LRP4: variants seen among roughly 807,000 people sequenced by gnomAD.
The protein encoded by LRP4 is LDL receptor related protein 4.
A neutral mutation model predicts 220.3 loss-of-function variants in LRP4; 95 were observed. That is an observed-to-expected ratio of 0.43 (90% CI 0.37 to 0.51). The LOEUF (loss-of-function observed/expected upper bound fraction) is 0.51. Among genes scored for constraint, LRP4 ranks in the 20% least tolerant of loss-of-function variants. The probability of loss-of-function intolerance (pLI) is 0.00; values close to 1 mark genes in which losing one functional copy is unlikely to be tolerated. For missense variants in LRP4, 1,925 were observed against 2,567.0 expected, an observed-to-expected ratio of 0.75 and a Z score of 5.40; for synonymous variants, 903 against 954.6, an observed-to-expected ratio of 0.95 and a Z score of 1.00.
chr11:46,875,942 C>T lies in LRP4; in HGVS notation c.3561G>A (p.Gly1187=), dbSNP rs761861416. The T allele has an allele frequency of 7.4e-6, 12 of 1,614,000 alleles. No individual in the cohort carries two copies. The highest frequency in any genetic ancestry group is 8.5e-6 in the Non-Finnish European group (10 of 1,180,024). The change falls in exon 26 of 38, where the codon GGG becomes GGA. Residue 1187 remains glycine, a synonymous_variant. Transcript: ENST00000378623. The surrounding 1 kb of genome is among the most constrained non-coding windows in gnomAD (Gnocchi z 4.5). ...EMGFMYWTDW[G]ENAKLERSGM... is the part of the protein sequence containing the mutation. ...CGGACCGCTCTAACTTGGCATTCTC[C>T]CCCCAGTCTGTCCAGTACATAAACC...
intron 18 of LRP4, 136 bp from the exon 19 acceptor site, chr11:46,884,112 CA>C: frequency 2.8e-6 from 2 of 707,394 alleles, no homozygotes; most frequent in Non-Finnish European, 5.1e-6. Context: ...GACAGATGCA[CA>C]ACGGAAATTT....
At chr11:46,905,156 A>G (rs906568097) in intron 1 of LRP4, among the ~76,000 whole-genome samples, 38 of 152,038 alleles carry the variant, frequency 2.5e-4, no homozygotes, top group Non-Finnish European at 5.1e-4. Flanking sequence ...AGGAAGCACT[A>G]AAAGACCCAG....
At position 46,862,520 on chromosome 11, in the gene LRP4, C is replaced by T. The variant is rs142507948; in HGVS notation, c.5385+86G>A. On this transcript the variant is annotated intron_variant, in intron 37 of 37. Coordinates refer to ENST00000378623, the MANE Select transcript of LRP4 (RefSeq NM_002334.4). ...ATGGTAGATGGGATTACTCAGCAGC[C>T]GTTACTGACTTATTTGGGCATTTGG... 2.4e-5 allele frequency: 31 copies of T among 1,315,054 alleles called. No homozygotes were observed. In the Admixed American group the frequency reaches 2.5e-4, roughly 11 times the overall value. The allele number at this position is 1,315,054 out of a possible 1,614,324, so 81.5% of individuals were successfully genotyped here. A position where few individuals can be genotyped will look rare whatever the true frequency, so the allele number is the denominator to read the frequency against.
At chr11:46,880,949 G>A (rs966252232) in intron 20 of LRP4, among the ~76,000 whole-genome samples, 1 of 150,566 alleles carries the variant, frequency 6.6e-6, no homozygotes, top group Non-Finnish European at 1.5e-5. Flanking sequence ...TGGCTCATGC[G>A]TGTAGTCTCA....
chr11:46,865,381 C>T (rs910804153), intron 34 of LRP4, among the ~76,000 whole-genome samples, 195 bp from the exon 35 acceptor site: 4 of 152,114 alleles, frequency 2.6e-5, no homozygotes, highest in Non-Finnish European at 5.9e-5. Flanking sequence ...GTTTTCAAGC[C>T]GTTATACCAT....
intron 18 of LRP4, among the ~76,000 whole-genome samples, chr11:46,884,635 G>A (rs1320455047): frequency 1.1e-4 from 16 of 151,812 alleles, no homozygotes. Context: ...TACTTGGGAG[G>A]CTGAGGCAGG....
intron 19 of LRP4, among the ~76,000 whole-genome samples, chr11:46,882,920 A>T (rs4752949): frequency 0.95 from 143,777 of 151,900 alleles, 68,558 homozygotes; most frequent in East Asian, 1. Context: ...AAAGACACAC[A>T]AGATATAAGG....
At chr11:46,895,761 G>C in intron 10 of LRP4, 123 bp downstream of exon 10, 6 of 1,363,428 alleles carry the variant, frequency 4.4e-6, no homozygotes, top group Non-Finnish European at 6.2e-6. Flanking sequence ...CCACCTCCTA[G>C]GGTTATTGTG....
Position 46,873,063 on chromosome 11 carries a change from C to T in LRP4, c.4583+37G>A. Reference sequence around the variant, plus strand: ...CTCAACCATTCTCTCTTCTGCCCACCCGATTTCCAGGAGGCTGTTTGATGC... The same window carrying T: ...CTCAACCATTCTCTCTTCTGCCCACTCGATTTCCAGGAGGCTGTTTGATGC... On this transcript the variant is annotated intron_variant, in intron 30 of 37. Transcript: ENST00000378623. The surrounding 1 kb of genome is among the most constrained non-coding windows in gnomAD (Gnocchi z 4.2). The T allele has an allele frequency of 6.2e-7, 1 of 1,614,088 alleles. No homozygotes were observed. Among genetic ancestry groups the T allele is most frequent in the Non-Finnish European group, 8.5e-7 (1 of 1,180,000 alleles).
intron 31 of LRP4, among the ~76,000 whole-genome samples, chr11:46,869,978 C>T (rs961473718): frequency 9.9e-5 from 15 of 152,100 alleles, no homozygotes; most frequent in Middle Eastern, 3.4e-3. Flanking sequence ...TGGTGGCACG[C>T]ACCTGTAATC....
chr11:46,861,487 A>G (rs965141650), intron 37 of LRP4, among the ~76,000 whole-genome samples: 3 of 149,072 alleles, frequency 2.0e-5, no homozygotes, highest in Non-Finnish European at 4.5e-5. Context: ...AAAATCTGAA[A>G]TACCAGGTAT....
At chr11:46,902,971 C>G (rs372404960) in intron 1 of LRP4, 42 bp from the exon 2 acceptor site, 1 of 1,613,096 alleles carries the variant, frequency 6.2e-7, no homozygotes, top group Non-Finnish European at 8.5e-7. Context: ...TCAGCTCCCA[C>G]TCAACCCAAG....
chr11:46,858,805 C>A lies in LRP4; in HGVS notation c.*178G>T. ...TCGTGATGTGCCATCATTTCTTGTG[C>A]ACAGGTAGTTATGGACTCACGTGGT... On this transcript the variant is annotated 3_prime_UTR_variant, in exon 38 of 38. Coordinates refer to ENST00000378623, the MANE Select transcript of LRP4 (RefSeq NM_002334.4). The A allele has an allele frequency of 1.5e-6, 1 of 671,202 alleles. No homozygotes were observed. Among genetic ancestry groups the A allele is most frequent in the Non-Finnish European group, 2.7e-6 (1 of 370,380 alleles). 41.6% of individuals were successfully genotyped at this position (671,202 alleles called of 1,614,324 possible). A position where few individuals can be genotyped will look rare whatever the true frequency, so the allele number is the denominator to read the frequency against.
At chr11:46,887,837 A>AAAAC (rs1311053658) in intron 16 of LRP4, among the ~76,000 whole-genome samples, 2 of 151,638 alleles carry the variant, frequency 1.3e-5, no homozygotes, top group African/African-American at 4.9e-5. Flanking sequence ...TCTCAAAAAC[A>AAAAC]AAACAAACAA....
At chr11:46,889,595 G>A in intron 15 of LRP4, 62 bp from the exon 16 acceptor site, 1 of 1,602,604 alleles carries the variant, frequency 6.2e-7, no homozygotes, top group African/African-American at 1.3e-5. Flanking sequence ...CCCAAGACTA[G>A]GGAATAGGGG....
At position 46,877,350 on chromosome 11, in the gene LRP4, G is replaced by A. The variant is rs1330362814; in HGVS notation, c.3137-11C>T. On this transcript the variant is annotated splice_polypyrimidine_tract_variant and intron_variant, in intron 22 of 37. Transcript: ENST00000378623. Reference sequence around the variant, plus strand: ...GGAAACTGTTCATGCCTGCCAGGTGGAGAGGAGGGAAGAGGATCACTCGAG... The same window carrying A: ...GGAAACTGTTCATGCCTGCCAGGTGAAGAGGAGGGAAGAGGATCACTCGAG... The A allele has an allele frequency of 2.5e-6, 4 of 1,614,080 alleles. No homozygotes were observed. Among genetic ancestry groups the A allele is most frequent in the Non-Finnish European group, 3.4e-6 (4 of 1,180,020 alleles).
At position 46,876,728 on chromosome 11, in the gene LRP4, TA is replaced by T. The variant is rs1941030984; in HGVS notation, c.3364+15del. ...GTTGCCAGACAGGTGGTCCCTGGGCTAGGAGGAAGGCCCACCTGTGGTGATG... is the reference window on the plus strand; with the variant it reads ...GTTGCCAGACAGGTGGTCCCTGGGCTGGAGGAAGGCCCACCTGTGGTGATG... On this transcript the variant is annotated intron_variant, in intron 24 of 37. Transcript: ENST00000378623. 1.2e-6 allele frequency: 2 copies of T among 1,614,064 alleles called. No homozygotes were observed. Among genetic ancestry groups the T allele is most frequent in the African/African-American group, 2.7e-5 (2 of 75,060 alleles).
At chr11:46,862,466 C>T in intron 37 of LRP4, 140 bp downstream of exon 37, 1 of 898,044 alleles carries the variant, frequency 1.1e-6, no homozygotes, top group East Asian at 2.4e-5. Flanking sequence ...AAATTACATT[C>T]AGTTCTTCTG....
At chr11:46,882,053 C>G in intron 19 of LRP4, 150 bp from the exon 20 acceptor site, 1 of 745,374 alleles carries the variant, frequency 1.3e-6, no homozygotes, top group Non-Finnish European at 2.4e-6. Context: ...CTGGGCTCAG[C>G]ACTATCTCTG....
Sources: gnomAD v4.1 joint callset for allele counts (sites outside exome capture counted in the v4.1 genomes callset) on GRCh38, gnomAD v4.1.1 for gene constraint, Gnocchi (gnomAD v3.1) non-coding constraint, MANE v1.5 for transcripts, NCBI Gene and HGNC (gene_info 2026-07-23, HGNC 2026-07-21) for gene names.